The following WEE1 variants were observed in gnomAD, a reference collection of about 807,000 sequenced individuals.
The protein encoded by WEE1 is WEE1 G2 checkpoint kinase, also known as wee1-like protein kinase.
In WEE1, 16 loss-of-function variants were observed where a neutral mutation model predicts 68.8. That is an observed-to-expected ratio of 0.23 (90% CI 0.16 to 0.35). WEE1 has a LOEUF of 0.35. WEE1 is among the 10% of genes least tolerant of loss of function. The probability of loss-of-function intolerance (pLI) is 1.00; values close to 1 mark genes in which losing one functional copy is unlikely to be tolerated. For missense variants in WEE1, 651 were observed against 824.1 expected (o/e 0.79, Z 2.57); for synonymous variants, 349 against 318.7 (o/e 1.09, Z -1.01).
chr11:9,586,307 T>A, intron 8 of WEE1, 142 bp from the exon 9 acceptor site: 1 of 683,348 alleles, frequency 1.5e-6, no homozygotes. Flanking sequence ...AGCAGTTTAT[T>A]CTCTGAATAG....
intron 10 of WEE1, among the ~76,000 whole-genome samples, chr11:9,587,662 A>G (rs745967360): frequency 1.1e-4 from 16 of 152,222 alleles, no homozygotes; most frequent in Non-Finnish European, 2.2e-4. Context: ...GCTGGTTGCA[A>G]TGGTAAAGGT....
intron 6 of WEE1, among the ~76,000 whole-genome samples, chr11:9,583,394 T>C (rs1037249373): frequency 6.6e-6 from 1 of 151,830 alleles, no homozygotes; most frequent in Admixed American, 6.5e-5. Flanking sequence ...GCGGGTGGAT[T>C]GCCTAAGCTT....
chr11:9,588,378 C>A, intron 10 of WEE1, 71 bp from the exon 11 acceptor site: 2 of 1,101,302 alleles, frequency 1.8e-6, no homozygotes, highest in Non-Finnish European at 2.5e-6. Context: ...TCCCAATCGA[C>A]AATATAGTTT....
At chr11:9,588,327 T>G in intron 10 of WEE1, 122 bp from the exon 11 acceptor site, 28 of 582,520 alleles carry the variant, frequency 4.8e-5, no homozygotes, top group Middle Eastern at 3.1e-4. Context: ...CCTGTTTTAT[T>G]TTTCAATTAC....
rs1849560446 is a variant in WEE1, at chr11:9,575,940, G to A, written c.629G>A (p.Gly210Asp). 12 of 1,614,144 alleles carry A rather than the reference G, an allele frequency of 7.4e-6. No individual in the cohort carries two copies. The highest frequency in any genetic ancestry group is 1.0e-5 in the Non-Finnish European group (12 of 1,180,016). The part of the protein sequence containing the change: ...GIDSSSVKLR[G>D]SSLFMDTEKS... ...GATTCCAGCTCTGTTAAACTCCGGG[G>A]TAGTTCTCTCTTCATGGATACAGAA... The change falls in exon 2 of 11, where the codon GGT becomes GAT. Residue 210 changes from glycine (G) to aspartate (D), a missense_variant. This residue lies in a region of WEE1 where 395 missense variants were observed against 378.4 expected (regional missense o/e 1.04). Transcript: ENST00000450114.
chr11:9,587,455 A>G (rs1263758257), intron 10 of WEE1, among the ~76,000 whole-genome samples: 1 of 152,232 alleles, frequency 6.6e-6, no homozygotes, highest in Non-Finnish European at 1.5e-5. Context: ...AGCCTATACC[A>G]ATCTTTTCTT....
At position 9,589,509 on chromosome 11, in the gene WEE1, A is replaced by C. The variant is rs1196566554; in HGVS notation, c.*907A>C. 1 of 985,398 alleles carries C rather than the reference A, an allele frequency of 1.0e-6. No homozygotes were observed. The highest frequency in any genetic ancestry group is 1.2e-6 in the Non-Finnish European group (1 of 829,890). 61.0% of individuals were successfully genotyped at this position (985,398 alleles called of 1,614,324 possible). A position where few individuals can be genotyped will look rare whatever the true frequency, so the allele number is the denominator to read the frequency against. On this transcript the variant is annotated 3_prime_UTR_variant, in exon 11 of 11. Transcript: ENST00000450114. ...TTTCTCTTCAATATTTGTGTATATAAACCGATCTTCGTGATACTGTACATA... is the reference window on the plus strand; with the variant it reads ...TTTCTCTTCAATATTTGTGTATATACACCGATCTTCGTGATACTGTACATA...
Position 9,574,065 on chromosome 11 carries a change from C to A in WEE1, c.132C>A (p.Gly44=). ...EEEEEEEEEE[G]SGHSTGEDSA... is the part of the protein sequence containing the mutation. Reference sequence around the variant, plus strand: ...AGGAAGAAGAGGAGGAGGAGGAGGGCAGCGGCCACAGCACCGGGGAGGACT... The same window carrying A: ...AGGAAGAAGAGGAGGAGGAGGAGGGAAGCGGCCACAGCACCGGGGAGGACT... Residue 44 remains glycine (G), a synonymous_variant, in exon 1 of 11, where the codon GGC becomes GGA. Transcript: ENST00000450114. The surrounding 1 kb of genome is among the most constrained non-coding windows in gnomAD (Gnocchi z 4.9). The A allele has an allele frequency of 8.0e-7, 1 of 1,246,680 alleles. No homozygotes were observed. The highest frequency in any genetic ancestry group is 1.0e-6 in the Non-Finnish European group (1 of 995,360). The allele number at this position is 1,246,680 out of a possible 1,614,324, so 77.2% of individuals were successfully genotyped here. A position where few individuals can be genotyped will look rare whatever the true frequency, so the allele number is the denominator to read the frequency against.
intron 8 of WEE1, among the ~76,000 whole-genome samples, chr11:9,586,041 G>A (rs1474528103): frequency 6.6e-6 from 1 of 152,124 alleles, no homozygotes; most frequent in East Asian, 1.9e-4. Flanking sequence ...AAGTGTAATT[G>A]TCTGATCCCA....
In WEE1 at chr11:9,576,145, G is replaced by A. The variant is rs1269880540; in HGVS notation, c.782+52G>A. ...TCTCCAAATAACCTAAGATTGGTTT[G>A]GTATACTTATCAAAATTTAGTTCCT... On this transcript the variant is annotated intron_variant, in intron 2 of 10. Coordinates refer to ENST00000450114, the MANE Select transcript of WEE1 (RefSeq NM_003390.4). The surrounding 1 kb of genome is among the most constrained non-coding windows in gnomAD (Gnocchi z 4.3). 1.2e-6 allele frequency: 2 copies of A among 1,609,226 alleles called. No individual in the cohort carries two copies. Among genetic ancestry groups the A allele is most frequent in the Non-Finnish European group, 1.7e-6 (2 of 1,176,966 alleles).
Position 9,576,466 on chromosome 11 carries a change from T to C in WEE1, c.847-21T>C, listed in dbSNP as rs1191267139. The C allele has an allele frequency of 2.5e-6, 4 of 1,605,206 alleles. No homozygotes were observed. The East Asian group carries it at 8.9e-5, about 36-fold the overall frequency. On this transcript the variant is annotated intron_variant, in intron 3 of 10. Transcript: ENST00000450114. This position sits in a 1 kb window ranked among gnomAD's most constrained non-coding sequence, Gnocchi z 4.3. ...TTTTCGTATATTTGTATTACATATA[T>C]GGAAACACTTTTTATTACAGAGAAT... is the stretch of plus-strand genomic sequence containing the variant.
intron 1 of WEE1, chr11:9,575,436 C>T (rs1849555199): frequency 1.2e-5 from 12 of 995,766 alleles, no homozygotes; most frequent in Non-Finnish European, 1.4e-5. Context: ...TGTGTGCTTT[C>T]GAGCTGTACT....
rs904940921 is a variant in WEE1 at position 9,589,674 on chromosome 11, G to A, written c.*1072G>A. The A allele has an allele frequency of 2.5e-5, 25 of 985,578 alleles. No individual in the cohort carries two copies. The South Asian group carries it at 1.1e-3, about 43-fold the overall frequency. 61.1% of individuals were successfully genotyped at this position (985,578 alleles called of 1,614,324 possible). ...TCTGTTTGTTTTCTCATTAATTTTG[G>A]TCTAAAACATGTTTGCACTTGTCTT... is the stretch of plus-strand genomic sequence containing the variant. On this transcript the variant is annotated 3_prime_UTR_variant, in exon 11 of 11. Transcript: ENST00000450114.
rs1322170753 is a variant in WEE1, at chr11:9,588,545, A to G, written c.1884A>G (p.Arg628=). Reference sequence around the variant, plus strand: ...CTAGGTCCACCACCCAGAGTAATAGAACATCTCGACTTATTGGAAAGAAAA... The same window carrying G: ...CTAGGTCCACCACCCAGAGTAATAGGACATCTCGACTTATTGGAAAGAAAA... ...MATRSTTQSN[R]TSRLIGKKMN... is the part of the protein sequence containing the mutation. Residue 628 remains arginine, a synonymous_variant, in exon 11 of 11, where the codon AGA becomes AGG. Coordinates refer to ENST00000450114, the MANE Select transcript of WEE1 (RefSeq NM_003390.4). The G allele has an allele frequency of 1.2e-6, 2 of 1,611,828 alleles. No individual in the cohort carries two copies. The highest frequency in any genetic ancestry group is 2.2e-5 in the South Asian group (2 of 90,676).
Position 9,575,869 on chromosome 11 carries a change from T to C in WEE1, c.577-19T>C, listed in dbSNP as rs934876910. On this transcript the variant is annotated intron_variant, in intron 1 of 10. Coordinates refer to ENST00000450114, the MANE Select transcript of WEE1 (RefSeq NM_003390.4). ...GGACTTGGATCCTAAAAATTGTATT[T>C]GTATTTTTCTTTCCCTAGAGTTTGC... 2 of 1,611,158 alleles carry C rather than the reference T, an allele frequency of 1.2e-6. No individual in the cohort carries two copies. Among genetic ancestry groups the C allele is most frequent in the South Asian group, 2.2e-5 (2 of 90,964 alleles).
intron 5 of WEE1, 137 bp downstream of exon 5, chr11:9,577,400 T>C (rs1050490332): frequency 8.7e-7 from 1 of 1,155,406 alleles, no homozygotes; most frequent in East Asian, 2.5e-5. Flanking sequence ...AACATAAATT[T>C]CAAGTACAAG....
rs1450610689 is a variant in WEE1, at chr11:9,574,435, C to T, written c.502C>T (p.Pro168Ser). 2 of 1,219,976 alleles carry T rather than the reference C, an allele frequency of 1.6e-6. No individual in the cohort carries two copies. The highest frequency in any genetic ancestry group is 2.0e-6 in the Non-Finnish European group (2 of 985,716). The allele number at this position is 1,219,976 out of a possible 1,614,324, so 75.6% of individuals were successfully genotyped here. Residue 168 changes from proline to serine, a missense_variant, in exon 1 of 11, where the codon CCG becomes TCG. By Grantham distance (74) the Pro-to-Ser change is moderately conservative. Transcript: ENST00000450114. This position sits in a 1 kb window ranked among gnomAD's most constrained non-coding sequence, Gnocchi z 4.9. ...GGGCGAAGGCCGCCGCTCGCCGCGG[C>T]CGGACCACCCGGGCACCCCGCCACA... is the stretch of plus-strand genomic sequence containing the variant. The part of the protein sequence containing the change: ...RAGEGRRSPR[P>S]DHPGTPPHKT...
In WEE1 at chr11:9,574,315, C is replaced by A; in HGVS notation, c.382C>A (p.Pro128Thr). 1 of 1,269,200 alleles carries A rather than the reference C, an allele frequency of 7.9e-7. No homozygotes were observed. 78.6% of individuals were successfully genotyped at this position (1,269,200 alleles called of 1,614,324 possible). The change falls in exon 1 of 11, where the codon CCG becomes ACG. Residue 128 changes from proline to threonine, a missense_variant. Physicochemically the swap from Pro to Thr is conservative, Grantham distance 38 (BLOSUM62 -1). Coordinates refer to ENST00000450114, the MANE Select transcript of WEE1 (RefSeq NM_003390.4). This position sits in a 1 kb window ranked among gnomAD's most constrained non-coding sequence, Gnocchi z 4.9. ...GFGSSSPVKS[P>T]AAPYFLGSSF... ...CGGCTCCTCGTCGCCGGTCAAGTCG[C>A]CGGCGGCCCCCTACTTCCTGGGTAG...
At position 9,576,259 on chromosome 11, in the gene WEE1, A is replaced by G. The variant is rs1327251858; in HGVS notation, c.812A>G (p.Asp271Gly). Residue 271 changes from aspartate to glycine, a missense_variant, in exon 3 of 11, where the codon GAT (aspartate) becomes GGT (glycine). By Grantham distance (94) the Asp-to-Gly change is moderately conservative (BLOSUM62 -1). Coordinates refer to ENST00000450114, the MANE Select transcript of WEE1 (RefSeq NM_003390.4). This position sits in a 1 kb window ranked among gnomAD's most constrained non-coding sequence, Gnocchi z 4.3. ...DSCGEDMEAS[D>G]YELEDETRPA... The stretch of plus-strand genomic sequence containing the variant: ...TGTGGTGAAGACATGGAAGCCAGTG[A>G]TTATGAGCTTGAAGATGAAACAAGA... 1 of 1,518,392 alleles carries G rather than the reference A, an allele frequency of 6.6e-7. No homozygotes were observed. The highest frequency in any genetic ancestry group is 2.0e-5 in the Admixed American group (1 of 50,950). 94.1% of individuals were successfully genotyped at this position (1,518,392 alleles called of 1,614,324 possible).
Sources: allele counts gnomAD v4.1 joint callset (sites outside exome capture counted in the v4.1 genomes callset), GRCh38; gene constraint gnomAD v4.1.1; regional missense constraint gnomAD v4.1.1; non-coding constraint Gnocchi (gnomAD v3.1); transcripts MANE v1.5; gene names NCBI Gene and HGNC (gene_info 2026-07-23, HGNC 2026-07-21).